Variants in ZCCHC2 observed in about 807,000 individuals in gnomAD.
ZCCHC2 encodes zinc finger CCHC-type containing 2.
ZCCHC2 carries 39 observed loss-of-function variants against 103.6 expected under a neutral mutation model. That is an observed-to-expected ratio of 0.38 (90% CI 0.29 to 0.49). The LOEUF (loss-of-function observed/expected upper bound fraction) is 0.49, where lower values mean the gene tolerates loss of function less well. Among genes scored for constraint, ZCCHC2 ranks in the 20% least tolerant of loss-of-function variants. ZCCHC2 has a pLI of 0.96. For synonymous variants in ZCCHC2, 687 were observed against 608.9 expected, an observed-to-expected ratio of 1.13 and a Z score of -1.89; for missense variants, 1,483 against 1,491.0, an observed-to-expected ratio of 0.99 and a Z score of 0.09.
intron 1 of ZCCHC2, 181 bp downstream of exon 1, chr18:62,524,544 C>T: frequency 1.0e-6 from 1 of 964,230 alleles, no homozygotes; most frequent in Non-Finnish European, 1.4e-6. Flanking sequence ...CTCCGTTCCA[C>T]TCCCCCACCC....
chr18:62,582,967 G>A (rs1187453728), downstream of ZCCHC2, among the ~76,000 whole-genome samples: 2 of 152,124 alleles, frequency 1.3e-5, no homozygotes, highest in African/African-American at 4.8e-5. Context: ...AGCTGGTCCT[G>A]GTGGTCTATG....
At chr18:62,526,633 C>G (rs892996641) in intron 1 of ZCCHC2, among the ~76,000 whole-genome samples, 7 of 151,982 alleles carry the variant, frequency 4.6e-5, no homozygotes, top group African/African-American at 1.7e-4. Flanking sequence ...CCGCCGCGCA[C>G]CCGGGGAGGG....
At chr18:62,550,300 CAGTA>C (rs1488132517) in intron 4 of ZCCHC2, 44 bp from the exon 5 acceptor site, 7 of 1,348,244 alleles carry the variant, frequency 5.2e-6, no homozygotes, top group Middle Eastern at 1.8e-4. Context: ...ACATCTTTAC[CAGTA>C]AGTGAGAAAC....
rs551740182 is a variant in ZCCHC2, at chr18:62,523,796, G to A, written c.372G>A (p.Pro124=). The change falls in exon 1 of 14, where the codon CCG becomes CCA. Residue 124 remains proline (P), a synonymous_variant. Transcript: ENST00000269499. ...GCGGGCTGCTGGACCTGTGCAACCC[G>A]CTGGAGCTGCGCTTCCTTGGCTCGT... ...FMCGLLDLCN[P]LELRFLGSCL... is the part of the protein sequence containing the mutation. 1.1e-5 allele frequency: 17 copies of A among 1,541,830 alleles called. No homozygotes were observed. In the African/African-American group the frequency reaches 1.7e-4, roughly 15 times the overall value.
intron 12 of ZCCHC2, among the ~76,000 whole-genome samples, chr18:62,572,643 C>A (rs551920794): frequency 4.6e-5 from 7 of 152,220 alleles, no homozygotes; most frequent in East Asian, 1.9e-4. Context: ...TTTACACTTA[C>A]CGAAATCAGT....
In ZCCHC2 at chr18:62,574,493, T is replaced by G. The variant is rs1417349168; in HGVS notation, c.2412T>G (p.Ser804Arg). 6.2e-7 allele frequency: 1 copy of G among 1,613,880 alleles called. No homozygotes were observed. Among genetic ancestry groups the G allele is most frequent in the Non-Finnish European group, 8.5e-7 (1 of 1,179,900 alleles). The change falls in exon 13 of 14, where the codon AGT (serine) becomes AGG (arginine). Residue 804 changes from serine (S) to arginine (R), a missense_variant. Ser to Arg is a moderately radical substitution (Grantham distance 110). Transcript: ENST00000269499. ...CATCAACCTTCCTTCCACACAGTAGTACTCCCGCTTTGCATCTTACAGTTC... is the reference window on the plus strand; with the variant it reads ...CATCAACCTTCCTTCCACACAGTAGGACTCCCGCTTTGCATCTTACAGTTC... ...PIPSTFLPHS[S>R]TPALHLTVQR...
Position 62,524,603 on chromosome 18 carries a change from A to G in ZCCHC2, c.939+240A>G, listed in dbSNP as rs1376916157. ...GCCACCCGCCATCACAGAATGCTCT[A>G]GAAGTCCCTTCCGTGCCACGGTGTT... On this transcript the variant is annotated intron_variant, in intron 1 of 13. Coordinates refer to ENST00000269499, the MANE Select transcript of ZCCHC2 (RefSeq NM_017742.6). 4 of 539,848 alleles carry G rather than the reference A, an allele frequency of 7.4e-6. No homozygotes were observed. The East Asian group carries it at 1.4e-4, about 19-fold the overall frequency. The allele number at this position is 539,848 out of a possible 1,614,324, so 33.4% of individuals were successfully genotyped here. A position where few individuals can be genotyped will look rare whatever the true frequency, so the allele number is the denominator to read the frequency against.
downstream of ZCCHC2, among the ~76,000 whole-genome samples, chr18:62,579,345 T>C (rs1333634717): frequency 6.6e-6 from 1 of 152,242 alleles, no homozygotes; most frequent in Non-Finnish European, 1.5e-5. Flanking sequence ...ATCTTGGCTG[T>C]AATCCAGGCT....
At position 62,523,908 on chromosome 18, in the gene ZCCHC2, G is replaced by A; in HGVS notation, c.484G>A (p.Ala162Thr). Residue 162 changes from alanine to threonine, a missense_variant, in exon 1 of 14, where the codon GCC (alanine) becomes ACC (threonine). This residue lies in a region of ZCCHC2 where 568 missense variants were observed against 525.1 expected (regional missense o/e 1.08). Coordinates refer to ENST00000269499, the MANE Select transcript of ZCCHC2 (RefSeq NM_017742.6). ...ANGLSDPGPL[A>T]DFREPAVRSR... ...CGGCCTCTCGGACCCGGGGCCGCTG[G>A]CCGACTTCCGAGAGCCCGCGGTGCG... The A allele has an allele frequency of 6.5e-7, 1 of 1,536,466 alleles. No individual in the cohort carries two copies. The highest frequency in any genetic ancestry group is 8.7e-7 in the Non-Finnish European group (1 of 1,144,166).
At chr18:62,534,198 C>T (rs932538660) in intron 1 of ZCCHC2, among the ~76,000 whole-genome samples, 1 of 151,760 alleles carries the variant, frequency 6.6e-6, no homozygotes, top group Admixed American at 6.6e-5. Flanking sequence ...GTAGTCCTAG[C>T]TACTCAAGAG....
chr18:62,531,983 CA>C (rs1823427980), intron 1 of ZCCHC2, among the ~76,000 whole-genome samples: 1 of 151,628 alleles, frequency 6.6e-6, no homozygotes, highest in South Asian at 2.1e-4. Context: ...GACGCTGTTT[CA>C]AAAAGGAGAG....
chr18:62,533,969 G>A (rs752571985), intron 1 of ZCCHC2, among the ~76,000 whole-genome samples: 2 of 151,776 alleles, frequency 1.3e-5, no homozygotes, highest in Non-Finnish European at 2.9e-5. Flanking sequence ...AAAATTTGCA[G>A]TTATATAGGA....
chr18:62,524,099 C>T lies in ZCCHC2; in HGVS notation c.675C>T (p.Gly225=), dbSNP rs776936085. 3.3e-6 allele frequency: 5 copies of T among 1,519,262 alleles called. No individual in the cohort carries two copies. The highest frequency in any genetic ancestry group is 2.1e-5 in the Admixed American group (1 of 48,060). The allele number at this position is 1,519,262 out of a possible 1,614,324, so 94.1% of individuals were successfully genotyped here. The change falls in exon 1 of 14, where the codon GGC becomes GGT. Residue 225 remains glycine (G), a synonymous_variant. Transcript: ENST00000269499. ...GGAEDERGED[G]DGEQDAEKDG... is the part of the protein sequence containing the mutation. ...CGGAGGACGAGCGCGGCGAGGACGGCGACGGCGAGCAGGACGCCGAGAAGG... is the reference window on the plus strand; with the variant it reads ...CGGAGGACGAGCGCGGCGAGGACGGTGACGGCGAGCAGGACGCCGAGAAGG...
intron 4 of ZCCHC2, 26 bp from the exon 5 acceptor site, chr18:62,550,322 T>C (rs1915608480): frequency 4.6e-6 from 7 of 1,529,160 alleles, no homozygotes; most frequent in Non-Finnish European, 5.4e-6. Context: ...AACTTAACAT[T>C]GGATATTGTG....
chr18:62,524,573 A>G, intron 1 of ZCCHC2: 1 of 676,358 alleles, frequency 1.5e-6, no homozygotes. Flanking sequence ...ACCCCGGCAG[A>G]CACAGCCACC....
At chr18:62,564,656 G>T in intron 10 of ZCCHC2, 21 bp downstream of exon 10, 1 of 1,514,694 alleles carries the variant, frequency 6.6e-7, no homozygotes, top group African/African-American at 1.4e-5. Context: ...TTTAAGGAAA[G>T]ACAGCATATA....
intron 1 of ZCCHC2, among the ~76,000 whole-genome samples, chr18:62,531,791 TAAAAA>T (rs11315078): frequency 1.8e-5 from 2 of 113,478 alleles, no homozygotes; most frequent in Non-Finnish European, 1.8e-5. Context: ...CTACAAAAAG[TAAAAA>T]AAAAAAAAAA....
At chr18:62,553,826 C>T (rs951180077) in intron 5 of ZCCHC2, among the ~76,000 whole-genome samples, 1 of 152,094 alleles carries the variant, frequency 6.6e-6, no homozygotes, top group African/African-American at 2.4e-5. Flanking sequence ...CCTTTTCAGT[C>T]CTTTCCACAC....
At chr18:62,542,269 A>T (rs1915224539) in intron 2 of ZCCHC2, among the ~76,000 whole-genome samples, 1 of 152,178 alleles carries the variant, frequency 6.6e-6, no homozygotes, top group Non-Finnish European at 1.5e-5. Flanking sequence ...AACACTCAGC[A>T]TGTCGTATGG....
Sources: gnomAD v4.1 joint callset for allele counts (sites outside exome capture counted in the v4.1 genomes callset) on GRCh38, gnomAD v4.1.1 for gene constraint, gnomAD v4.1.1 regional missense constraint, MANE v1.5 for transcripts, NCBI Gene and HGNC (gene_info 2026-07-23, HGNC 2026-07-21) for gene names.